Variants in CA10 observed in about 807,000 individuals in gnomAD.
CA10 encodes carbonic anhydrase-related protein 10.
In CA10, 14 loss-of-function variants were observed where a neutral mutation model predicts 44.2. The ratio of observed to expected loss-of-function variants is 0.32; its 90% CI spans 0.21 to 0.50. CA10 has a LOEUF of 0.50. Ranked by LOEUF, CA10 falls within the 20% of genes least tolerant of loss-of-function variation. The probability of loss-of-function intolerance (pLI) is 0.99; values close to 1 mark genes in which losing one functional copy is unlikely to be tolerated. For missense variants in CA10, 350 were observed against 409.7 expected (o/e 0.85, Z 1.26); for synonymous variants, 159 against 141.6 (o/e 1.12, Z -0.87).
intron 3 of CA10, among the ~76,000 whole-genome samples, chr17:51,885,398 T>A (rs531086969): frequency 6.6e-6 from 1 of 152,316 alleles, no homozygotes; most frequent in African/African-American, 2.4e-5. Context: ...CAGTATCTCC[T>A]GTTTCTACTA....
intron 2 of CA10, among the ~76,000 whole-genome samples, chr17:52,052,156 G>A (rs931635080): frequency 3.3e-5 from 5 of 151,656 alleles, no homozygotes; most frequent in African/African-American, 1.2e-4. Flanking sequence ...AAGGGAGGAG[G>A]GATCAGGAAA....
chr17:51,717,829 GTATATATATATATATATATATA>G lies in CA10; in HGVS notation c.465+29782_465+29803del, dbSNP rs55932655. Among the ~76,000 whole-genome samples the G allele has an allele frequency of 1.3e-3, 10 of 7,918 alleles. 3 individuals carry two copies. The East Asian group carries it at 0.1, about 79-fold the overall frequency. 5.2% of individuals were successfully genotyped at this position (7,918 alleles called of 152,430 possible). Reference sequence around the variant, plus strand: ...TATATACACGTATATATATGTGTGTGTATATATATATATATATATATATATATATATATATATATACAGGATA... The same window carrying G: ...TATATACACGTATATATATGTGTGTGTATATATATATATATATACAGGATA... On this transcript the variant is annotated intron_variant, in intron 4 of 8. Transcript: ENST00000451037.
At chr17:51,677,529 T>C (rs1472626025) in intron 4 of CA10, among the ~76,000 whole-genome samples, 2 of 152,134 alleles carry the variant, frequency 1.3e-5, no homozygotes, top group African/African-American at 2.4e-5. Flanking sequence ...TCTTTTCTTA[T>C]AATGTACCCA....
intron 3 of CA10, among the ~76,000 whole-genome samples, chr17:51,788,099 A>T (rs1049945991): frequency 1.3e-5 from 2 of 152,150 alleles, no homozygotes; most frequent in African/African-American, 4.8e-5. Context: ...TTGGAGCCAT[A>T]AACTTCCCTG....
At chr17:51,986,440 C>T (rs1984839448) in intron 2 of CA10, among the ~76,000 whole-genome samples, 2 of 151,930 alleles carry the variant, frequency 1.3e-5, no homozygotes, top group African/African-American at 4.8e-5. Flanking sequence ...TAGATGTTGG[C>T]TTAGGCAGGG....
At chr17:51,752,990 C>T (rs1904945468) in intron 3 of CA10, among the ~76,000 whole-genome samples, 4 of 152,132 alleles carry the variant, frequency 2.6e-5, no homozygotes, top group Admixed American at 2.6e-4. Context: ...TTCATTTCTT[C>T]TCCAGTCTCT....
intron 3 of CA10, among the ~76,000 whole-genome samples, chr17:51,794,586 A>G (rs897253769): frequency 3.3e-5 from 5 of 152,250 alleles, no homozygotes; most frequent in African/African-American, 9.6e-5. Flanking sequence ...ATAAAACCAT[A>G]TAAGTATCAT....
chr17:51,703,877 C>T (rs1915678237), intron 4 of CA10, among the ~76,000 whole-genome samples: 1 of 152,178 alleles, frequency 6.6e-6, no homozygotes, highest in African/African-American at 2.4e-5. Context: ...CTTGCCATTC[C>T]AAACAACTGC....
At chr17:51,919,055 T>C (rs1982119938) in intron 3 of CA10, among the ~76,000 whole-genome samples, 1 of 152,182 alleles carries the variant, frequency 6.6e-6, no homozygotes, top group African/African-American at 2.4e-5. Context: ...CAGTTTTAAT[T>C]TGGTTCTTTT....
In CA10 at chr17:51,717,835, A is replaced by G. The variant is rs1466126928; in HGVS notation, c.465+29798T>C. Among the ~76,000 whole-genome samples, 86 of 50,404 alleles carry G rather than the reference A, an allele frequency of 1.7e-3. 17 individuals carry two copies. The highest frequency in any genetic ancestry group is 6.3e-3 in the African/African-American group (80 of 12,740). The allele number at this position is 50,404 out of a possible 152,430, so 33.1% of individuals were successfully genotyped here. A position where few individuals can be genotyped will look rare whatever the true frequency, so the allele number is the denominator to read the frequency against. ...CACGTATATATATGTGTGTGTATAT[A>G]TATATATATATATATATATATATAT... On this transcript the variant is annotated intron_variant, in intron 4 of 8. Coordinates refer to ENST00000451037, the MANE Select transcript of CA10 (RefSeq NM_020178.5).
chr17:51,920,793 A>T (rs1159884472), intron 3 of CA10, among the ~76,000 whole-genome samples: 1 of 152,106 alleles, frequency 6.6e-6, no homozygotes, highest in Non-Finnish European at 1.5e-5. Flanking sequence ...AGACTTTCAC[A>T]TTTTGCTTAT....
chr17:52,108,194 T>TATATATATATATA lies in CA10; in HGVS notation c.62-35802_62-35801insTATATATATATAT, dbSNP rs1567735876. 3.9e-3 allele frequency among the ~76,000 whole-genome samples: 224 copies of TATATATATATATA among 57,828 alleles called. 1 individual carries two copies. Among genetic ancestry groups the TATATATATATATA allele is most frequent in the Non-Finnish European group, 4.5e-3 (169 of 37,630 alleles). The allele number at this position is 57,828 out of a possible 152,430, so 37.9% of individuals were successfully genotyped here. A position where few individuals can be genotyped will look rare whatever the true frequency, so the allele number is the denominator to read the frequency against. ...TAATATATTTTTATATATATATTTT[T>TATATATATATATA]TATATATATATATATATATATATAT... On this transcript the variant is annotated intron_variant, in intron 1 of 8. Coordinates refer to ENST00000451037, the MANE Select transcript of CA10 (RefSeq NM_020178.5).
chr17:52,158,215 C>T lies in CA10; in HGVS notation c.-429G>A, dbSNP rs1989851754. The T allele has an allele frequency of 3.5e-6, 1 of 285,426 alleles. No individual in the cohort carries two copies. The highest frequency in any genetic ancestry group is 6.8e-6 in the Non-Finnish European group (1 of 147,324). 17.7% of individuals were successfully genotyped at this position (285,426 alleles called of 1,614,324 possible). Reference sequence around the variant, plus strand: ...GCCCCAAGAAGACATAGACGATAGCCCCCCGCCGGGCTGCGCCGTGCAATT... The same window carrying T: ...GCCCCAAGAAGACATAGACGATAGCTCCCCGCCGGGCTGCGCCGTGCAATT... On this transcript the variant is annotated 5_prime_UTR_variant, in exon 1 of 9. Coordinates refer to ENST00000451037, the MANE Select transcript of CA10 (RefSeq NM_020178.5).
chr17:51,863,708 A>G (rs191501230), intron 3 of CA10, among the ~76,000 whole-genome samples: 110 of 152,316 alleles, frequency 7.2e-4, no homozygotes, highest in African/African-American at 2.5e-3. Context: ...CCCAGAACTC[A>G]GGATCATGCT....
At chr17:51,661,563 C>T (rs182059683) in intron 4 of CA10, 1 of 152,328 alleles carries the variant, frequency 6.6e-6, no homozygotes, top group East Asian at 1.9e-4. Flanking sequence ...GCCTGGCATG[C>T]AGTAACCATT....
intron 2 of CA10, among the ~76,000 whole-genome samples, chr17:51,954,313 C>T (rs754841699): frequency 7.2e-5 from 11 of 152,134 alleles, no homozygotes; most frequent in Non-Finnish European, 1.6e-4. Context: ...CATTTACTTC[C>T]ATTTTTATGC....
chr17:51,970,530 A>T (rs1984244034), intron 2 of CA10, among the ~76,000 whole-genome samples: 1 of 150,938 alleles, frequency 6.6e-6, no homozygotes, highest in Middle Eastern at 3.4e-3. Context: ...ATTACCCTGC[A>T]TAATTTTTTT....
At chr17:51,673,080 C>T (rs989965294) in intron 4 of CA10, among the ~76,000 whole-genome samples, 15 of 152,232 alleles carry the variant, frequency 9.9e-5, no homozygotes, top group East Asian at 5.8e-4. Flanking sequence ...ATGCCTATCA[C>T]ATTGGATGGT....
At chr17:51,725,716 T>G (rs555976061) in intron 4 of CA10, among the ~76,000 whole-genome samples, 1 of 152,226 alleles carries the variant, frequency 6.6e-6, no homozygotes, top group South Asian at 2.1e-4. Flanking sequence ...TCTGCACCCA[T>G]CCCACATGCT....
Sources: gnomAD v4.1 joint callset for allele counts (sites outside exome capture counted in the v4.1 genomes callset) on GRCh38, gnomAD v4.1.1 for gene constraint, MANE v1.5 for transcripts, NCBI Gene and HGNC (gene_info 2026-07-23, HGNC 2026-07-21) for gene names.